RNPEP: variants seen among roughly 807,000 people sequenced by gnomAD.
The protein encoded by RNPEP is arginyl aminopeptidase.
In RNPEP, 57 loss-of-function variants were observed where a neutral mutation model predicts 70.1. That is an observed-to-expected ratio of 0.81 (90% CI 0.66 to 1.01). RNPEP has a LOEUF of 1.01. Ranked by LOEUF, RNPEP falls within the 50% of genes least tolerant of loss-of-function variation. The probability of loss-of-function intolerance (pLI) is 0.00; values close to 1 mark genes in which losing one functional copy is unlikely to be tolerated. For missense variants in RNPEP, 787 were observed against 852.4 expected (o/e 0.92, Z 0.96); for synonymous variants, 335 against 357.4 (o/e 0.94, Z 0.71).
chr1:202,005,740 C>T lies in RNPEP; in HGVS notation c.*24C>T. On this transcript the variant is annotated 3_prime_UTR_variant, in exon 11 of 11. Coordinates refer to ENST00000295640, the MANE Select transcript of RNPEP (RefSeq NM_020216.4). ...AGAGGCTCGTGTGCATGGCCCCTGC[C>T]TCTTCAGGCTCTCCAGGCTTTCAGA... is the stretch of plus-strand genomic sequence containing the variant. 5 of 1,610,414 alleles carry T rather than the reference C, an allele frequency of 3.1e-6. No homozygotes were observed. Among genetic ancestry groups the T allele is most frequent in the Non-Finnish European group, 4.2e-6 (5 of 1,176,730 alleles).
Position 202,005,836 on chromosome 1 carries a change from A to T in RNPEP, c.*120A>T, listed in dbSNP as rs530961198. 4.8e-5 allele frequency: 57 copies of T among 1,191,460 alleles called. No individual in the cohort carries two copies. The African/African-American group carries it at 8.5e-4, about 18-fold the overall frequency. 73.8% of individuals were successfully genotyped at this position (1,191,460 alleles called of 1,614,324 possible). A position where few individuals can be genotyped will look rare whatever the true frequency, so the allele number is the denominator to read the frequency against. ...AGTTTATATCCCCTCAGGATAATCTATTCTCTAGCTTAGGTATCTGTGACT... is the reference window on the plus strand; with the variant it reads ...AGTTTATATCCCCTCAGGATAATCTTTTCTCTAGCTTAGGTATCTGTGACT... On this transcript the variant is annotated 3_prime_UTR_variant, in exon 11 of 11. Transcript: ENST00000295640.
intron 1 of RNPEP, among the ~76,000 whole-genome samples, chr1:201,987,596 C>T (rs1683178670): frequency 6.6e-6 from 1 of 151,690 alleles, no homozygotes; most frequent in Non-Finnish European, 1.5e-5. Context: ...TGCCATCACA[C>T]CCGGCTAATT....
At chr1:202,003,492 G>C (rs1031986144) in intron 9 of RNPEP, 31 bp downstream of exon 9, 1 of 1,485,508 alleles carries the variant, frequency 6.7e-7, no homozygotes, top group Non-Finnish European at 9.4e-7. Flanking sequence ...AGGGCTCCTT[G>C]TGTGCACAGC....
chr1:201,993,732 T>A (rs925251784), intron 3 of RNPEP, among the ~76,000 whole-genome samples: 2 of 151,966 alleles, frequency 1.3e-5, no homozygotes, highest in African/African-American at 4.8e-5. Flanking sequence ...TGAGCCGAGA[T>A]CGCGCCACTG....
chr1:201,994,860 A>G (rs577106085), intron 3 of RNPEP, among the ~76,000 whole-genome samples: 1 of 38,004 alleles, frequency 2.6e-5, no homozygotes. Context: ...TTTTTTTTTT[A>G]GTAGAAACAG....
chr1:201,982,961 G>C lies in RNPEP; in HGVS notation c.295G>C (p.Gly99Arg). Residue 99 changes from glycine (G) to arginine (R), a missense_variant, in exon 1 of 11, where the codon GGC (glycine) becomes CGC (arginine). Physicochemically the swap from Gly to Arg is moderately radical, Grantham distance 125. Coordinates refer to ENST00000295640, the MANE Select transcript of RNPEP (RefSeq NM_020216.4). The stretch of plus-strand genomic sequence containing the variant: ...GGCGGCGCTGCGGCGGGAGCGGCCC[G>C]GCTCGGAGGAGCCGCCTGCGGAGCC... ...TAAALRRERP[G>R]SEEPPAEPVS... 6.7e-7 allele frequency: 1 copy of C among 1,498,758 alleles called. No homozygotes were observed. Among genetic ancestry groups the C allele is most frequent in the Non-Finnish European group, 8.9e-7 (1 of 1,127,298 alleles). 92.8% of individuals were successfully genotyped at this position (1,498,758 alleles called of 1,614,324 possible).
Position 202,004,228 on chromosome 1 carries a change from A to G in RNPEP, c.1652-126A>G, listed in dbSNP as rs542599465. Reference sequence around the variant, plus strand: ...TTTTTAGTAGAGATGGGGTTTCGCCATATTGGCCAGGCTGGTCTCACATTC... The same window carrying G: ...TTTTTAGTAGAGATGGGGTTTCGCCGTATTGGCCAGGCTGGTCTCACATTC... On this transcript the variant is annotated intron_variant, in intron 9 of 10. Coordinates refer to ENST00000295640, the MANE Select transcript of RNPEP (RefSeq NM_020216.4). 1,814 of 1,026,700 alleles carry G rather than the reference A, an allele frequency of 1.8e-3. 15 individuals are homozygous for G. Among genetic ancestry groups the G allele is most frequent in the South Asian group, 9.6e-3 (600 of 62,728 alleles). The allele number at this position is 1,026,700 out of a possible 1,614,324, so 63.6% of individuals were successfully genotyped here. A position where few individuals can be genotyped will look rare whatever the true frequency, so the allele number is the denominator to read the frequency against.
chr1:201,984,957 C>T (rs1683084301), intron 1 of RNPEP, among the ~76,000 whole-genome samples: 3 of 149,866 alleles, frequency 2.0e-5, no homozygotes. Flanking sequence ...CTTTGGGAGG[C>T]CAGGGCTGGC....
chr1:201,990,679 T>C (rs1327986493), intron 3 of RNPEP, among the ~76,000 whole-genome samples: 2 of 152,188 alleles, frequency 1.3e-5, no homozygotes, highest in African/African-American at 4.8e-5. Flanking sequence ...TGGTTATCAG[T>C]TGGAATAATA....
intron 3 of RNPEP, among the ~76,000 whole-genome samples, chr1:201,990,292 A>C (rs1683279844): frequency 6.6e-6 from 1 of 152,218 alleles, no homozygotes. Flanking sequence ...TCCCTCGAAG[A>C]GGGAAGTGGA....
At chr1:201,996,284 T>C (rs1447978346) in intron 4 of RNPEP, 21 bp downstream of exon 4, 7 of 1,475,460 alleles carry the variant, frequency 4.7e-6, no homozygotes, top group Admixed American at 1.7e-5. Context: ...ACATTGACTC[T>C]AGTGTCTCCT....
At chr1:202,003,050 G>A in intron 8 of RNPEP, 187 bp from the exon 9 acceptor site, 1 of 580,986 alleles carries the variant, frequency 1.7e-6, no homozygotes. Context: ...AAACGGCACA[G>A]TCTCTAGATG....
intron 5 of RNPEP, among the ~76,000 whole-genome samples, chr1:201,997,765 A>C (rs1571638438): frequency 2.2e-5 from 1 of 45,396 alleles, no homozygotes; most frequent in Non-Finnish European, 7.3e-5. Context: ...CCAGGTCATT[A>C]GTTTTTTTTT....
At chr1:201,990,183 T>C (rs951808364) in intron 3 of RNPEP, among the ~76,000 whole-genome samples, 1 of 152,154 alleles carries the variant, frequency 6.6e-6, no homozygotes, top group Non-Finnish European at 1.5e-5. Flanking sequence ...AAGTTCTAAA[T>C]GCCCTTCTAG....
At chr1:201,985,486 G>T (rs1339651693) in intron 1 of RNPEP, among the ~76,000 whole-genome samples, 3 of 152,068 alleles carry the variant, frequency 2.0e-5, no homozygotes, top group African/African-American at 7.2e-5. Flanking sequence ...TGAACTCCTG[G>T]GTTCAAGCCA....
chr1:201,984,821 CTTTTTTTTTTT>C lies in RNPEP; in HGVS notation c.447+1734_447+1744del, dbSNP rs200795347. Among the ~76,000 whole-genome samples the C allele has an allele frequency of 6.7e-3, 823 of 122,004 alleles. 34 individuals are homozygous for C. The highest frequency in any genetic ancestry group is 0.042 in the East Asian group (178 of 4,194). 80.0% of individuals were successfully genotyped at this position (122,004 alleles called of 152,430 possible). On this transcript the variant is annotated intron_variant, in intron 1 of 10. Transcript: ENST00000295640. ...TTACTGCTAACTTTTGTATTTCTTTCTTTTTTTTTTTTTTTTTTTTTTTTTTTTTTTTTTTT... is the reference window on the plus strand; with the variant it reads ...TTACTGCTAACTTTTGTATTTCTTTCTTTTTTTTTTTTTTTTTTTTTTTTT...
intron 10 of RNPEP, among the ~76,000 whole-genome samples, chr1:202,005,170 T>C (rs1376955346): frequency 6.6e-6 from 1 of 152,232 alleles, no homozygotes; most frequent in Non-Finnish European, 1.5e-5. Flanking sequence ...TTTCCTTTGC[T>C]TGACTGCAGC....
At chr1:201,993,168 CT>C (rs1310500854) in intron 3 of RNPEP, among the ~76,000 whole-genome samples, 5 of 152,204 alleles carry the variant, frequency 3.3e-5, no homozygotes, top group African/African-American at 7.2e-5. Flanking sequence ...AAGGTCCTTC[CT>C]TCTGTTTAAA....
chr1:201,984,821 C>CTTTTTTTTTTTTTTTT (rs200795347), intron 1 of RNPEP, among the ~76,000 whole-genome samples: 6 of 122,038 alleles, frequency 4.9e-5, no homozygotes, highest in Middle Eastern at 4.1e-3. Context: ...GTATTTCTTT[C>CTTTTTTTTTTTTTTTT]TTTTTTTTTT....
Sources: allele counts gnomAD v4.1 joint callset (sites outside exome capture counted in the v4.1 genomes callset), GRCh38; gene constraint gnomAD v4.1.1; transcripts MANE v1.5; gene names NCBI Gene and HGNC (gene_info 2026-07-23, HGNC 2026-07-21).